VAT1L: variants seen among roughly 807,000 people sequenced by gnomAD.
VAT1L encodes putative NADPH-dependent quinone oxidoreductase VAT1L.
Under a neutral mutation model 44.1 loss-of-function variants are expected in VAT1L, and 34 were observed. The ratio of observed to expected loss-of-function variants is 0.77; its 90% CI spans 0.59 to 1.03. The LOEUF is 1.03. VAT1L is among the 50% of genes least tolerant of loss of function. VAT1L has a pLI of 0.00. For synonymous variants in VAT1L, 253 were observed against 202.2 expected, an observed-to-expected ratio of 1.25 and a Z score of -2.13; for missense variants, 615 against 538.8, an observed-to-expected ratio of 1.14 and a Z score of -1.40.
intron 7 of VAT1L, among the ~76,000 whole-genome samples, chr16:77,969,169 A>T (rs1050783886): frequency 6.6e-6 from 1 of 152,220 alleles, no homozygotes; most frequent in Admixed American, 6.5e-5. Context: ...TTCTCAAGAT[A>T]TCGAGATATT....
intron 4 of VAT1L, among the ~76,000 whole-genome samples, chr16:77,872,289 G>A (rs1345334971): frequency 6.6e-6 from 1 of 152,120 alleles, no homozygotes; most frequent in African/African-American, 2.4e-5. Context: ...CCATTCTTAG[G>A]GTCCTTCTAC....
intron 3 of VAT1L, among the ~76,000 whole-genome samples, chr16:77,831,982 A>ATTTTTTTT (rs151275500): frequency 9.5e-5 from 12 of 125,984 alleles, no homozygotes; most frequent in Non-Finnish European, 9.7e-5. Flanking sequence ...TGCCCGGCTA[A>ATTTTTTTT]TTTTTTTTTT....
chr16:77,879,103 T>G lies in VAT1L; in HGVS notation c.827-66T>G, dbSNP rs1370638065. Reference sequence around the variant, plus strand: ...CCGGACCAAACAATTGCCATTTTTTTCATGCATAACAAGAGATGTCCATTT... The same window carrying G: ...CCGGACCAAACAATTGCCATTTTTTGCATGCATAACAAGAGATGTCCATTT... On this transcript the variant is annotated intron_variant, in intron 5 of 8. Coordinates refer to ENST00000302536, the MANE Select transcript of VAT1L (RefSeq NM_020927.3). This position sits in a 1 kb window ranked among gnomAD's most constrained non-coding sequence, Gnocchi z 4.1. The G allele has an allele frequency of 6.5e-7, 1 of 1,542,266 alleles. No homozygotes were observed. Among genetic ancestry groups the G allele is most frequent in the Non-Finnish European group, 8.9e-7 (1 of 1,117,880 alleles).
intron 3 of VAT1L, among the ~76,000 whole-genome samples, chr16:77,837,832 A>G (rs143844968): frequency 6.6e-6 from 1 of 152,228 alleles, no homozygotes; most frequent in Non-Finnish European, 1.5e-5. Flanking sequence ...ATGGACTTAG[A>G]TGCTCCCTGG....
chr16:77,854,689 C>T (rs1385256781), intron 3 of VAT1L, among the ~76,000 whole-genome samples: 1 of 152,208 alleles, frequency 6.6e-6, no homozygotes, highest in Non-Finnish European at 1.5e-5. Flanking sequence ...AGAAGAAAAT[C>T]TTACCTCACC....
In VAT1L at chr16:77,858,907, G is replaced by A. The variant is rs528811020; in HGVS notation, c.580-3841G>A. 1.9e-3 allele frequency among the ~76,000 whole-genome samples: 285 copies of A among 152,056 alleles called. 1 individual carries two copies. The highest frequency in any genetic ancestry group is 5.8e-3 in the African/African-American group (239 of 41,484). On this transcript the variant is annotated intron_variant, in intron 3 of 8. Coordinates refer to ENST00000302536, the MANE Select transcript of VAT1L (RefSeq NM_020927.3). Reference sequence around the variant, plus strand: ...TCCCAGCACTTTGGGAGGCCGAGGCGGGCGGGTCACCTGAGGTCAGGAGTT... The same window carrying A: ...TCCCAGCACTTTGGGAGGCCGAGGCAGGCGGGTCACCTGAGGTCAGGAGTT...
At chr16:77,915,047 C>T (rs911662410) in intron 7 of VAT1L, among the ~76,000 whole-genome samples, 1 of 152,120 alleles carries the variant, frequency 6.6e-6, no homozygotes. Context: ...ATCGCTTGAA[C>T]CCGGGAGGCG....
At chr16:77,875,633 TGAATA>T (rs2017079933) in intron 4 of VAT1L, among the ~76,000 whole-genome samples, 1 of 152,154 alleles carries the variant, frequency 6.6e-6, no homozygotes, top group African/African-American at 2.4e-5. Flanking sequence ...TATAAAGAAA[TGAATA>T]GAAGAGATCA....
At chr16:77,882,232 G>A (rs955681435) in intron 6 of VAT1L, 14 of 152,170 alleles carry the variant, frequency 9.2e-5, no homozygotes, top group African/African-American at 3.1e-4. Context: ...ATTAAAGGTC[G>A]ACTGGAATTA....
intron 4 of VAT1L, among the ~76,000 whole-genome samples, chr16:77,864,647 G>A (rs11641261): frequency 0.03 from 4,607 of 152,210 alleles, 82 homozygotes; most frequent in Middle Eastern, 0.044. Flanking sequence ...GATTAAGATG[G>A]GAAAACTGAA....
At chr16:77,875,786 A>C (rs1186975855) in intron 4 of VAT1L, among the ~76,000 whole-genome samples, 1 of 152,192 alleles carries the variant, frequency 6.6e-6, no homozygotes, top group African/African-American at 2.4e-5. Context: ...TTGGAGAAAG[A>C]GAAGCTTATG....
intron 7 of VAT1L, among the ~76,000 whole-genome samples, chr16:77,942,287 C>G (rs2017895389): frequency 6.6e-6 from 1 of 152,134 alleles, no homozygotes; most frequent in South Asian, 2.1e-4. Flanking sequence ...GAGACTTATT[C>G]ACTATCACGT....
At chr16:77,864,965 TC>T (rs2016956478) in intron 4 of VAT1L, among the ~76,000 whole-genome samples, 2 of 143,524 alleles carry the variant, frequency 1.4e-5, no homozygotes, top group Non-Finnish European at 3.0e-5. Context: ...ATTCTTCTTA[TC>T]CTTTTTTTTT....
chr16:77,838,971 A>G (rs2016671600), intron 3 of VAT1L, among the ~76,000 whole-genome samples: 1 of 151,930 alleles, frequency 6.6e-6, no homozygotes, highest in African/African-American at 2.4e-5. Flanking sequence ...CATAGTGAGC[A>G]AACTCAGGTC....
rs1213877749 is a variant in VAT1L, at chr16:77,884,317, G to A, written c.883-291G>A. ...TGGGCGCCTGTAATCCCAGCTACTC[G>A]GGAGGCTGGGGCAGAGAATTACTTG... On this transcript the variant is annotated intron_variant, in intron 6 of 8. Transcript: ENST00000302536. The surrounding 1 kb of genome is among the most constrained non-coding windows in gnomAD (Gnocchi z 4.5). 5.9e-5 allele frequency among the ~76,000 whole-genome samples: 9 copies of A among 152,000 alleles called. No homozygotes were observed. The highest frequency in any genetic ancestry group is 1.5e-4 in the African/African-American group (6 of 41,370).
chr16:77,945,278 C>CTTTTTTTTT (rs56055464), intron 7 of VAT1L, among the ~76,000 whole-genome samples: 13,449 of 82,694 alleles, frequency 0.16, 2,739 homozygotes, highest in East Asian at 0.42. Flanking sequence ...GATTGCAGAA[C>CTTTTTTTTT]TTTTTTTTTT....
chr16:77,885,799 G>A (rs1374905388), intron 7 of VAT1L, among the ~76,000 whole-genome samples: 2 of 152,076 alleles, frequency 1.3e-5, no homozygotes, highest in Admixed American at 1.3e-4. Context: ...TTGCCTGAAC[G>A]ATTACATTGG....
chr16:77,955,726 C>G (rs1041361308), intron 7 of VAT1L, among the ~76,000 whole-genome samples: 2 of 121,168 alleles, frequency 1.7e-5, no homozygotes, highest in Admixed American at 8.4e-5. Flanking sequence ...ATATCCCCCC[C>G]CCCAAAAAAA....
Position 77,823,439 on chromosome 16 carries a change from T to A in VAT1L, c.364-1807T>A, listed in dbSNP as rs537813745. Among the ~76,000 whole-genome samples, 118 of 152,294 alleles carry A rather than the reference T, an allele frequency of 7.7e-4. 3 individuals are homozygous for A. The South Asian group carries it at 0.024, about 31-fold the overall frequency. On this transcript the variant is annotated intron_variant, in intron 2 of 8. Transcript: ENST00000302536. ...ATGAGCTGTACCTCATTTACAGTTT[T>A]ATCTCCAGTGCCTAGAACCTAAGAT...
Sources: allele counts gnomAD v4.1 joint callset (sites outside exome capture counted in the v4.1 genomes callset), GRCh38; gene constraint gnomAD v4.1.1; non-coding constraint Gnocchi (gnomAD v3.1); transcripts MANE v1.5; gene names NCBI Gene and HGNC (gene_info 2026-07-23, HGNC 2026-07-21).